FSTL5: variants seen among roughly 807,000 people sequenced by gnomAD.
The protein encoded by FSTL5 is follistatin like 5.
FSTL5 carries 62 observed loss-of-function variants against 89.1 expected under a neutral mutation model. The ratio of observed to expected loss-of-function variants is 0.70; its 90% CI spans 0.57 to 0.86. FSTL5 has a LOEUF of 0.86. FSTL5 is among the 40% of genes least tolerant of loss of function. The pLI is 0.00. For synonymous variants in FSTL5, 383 were observed against 346.2 expected (o/e 1.11, Z -1.18); for missense variants, 1,057 against 1,001.6 (o/e 1.06, Z -0.75).
chr4:162,021,293 T>A (rs1737075301), intron 3 of FSTL5, among the ~76,000 whole-genome samples: 1 of 152,184 alleles, frequency 6.6e-6, no homozygotes, highest in South Asian at 2.1e-4. Flanking sequence ...TTCATAGGGA[T>A]AATTTTAAGA....
chr4:161,848,983 A>G (rs1731466151), intron 4 of FSTL5, among the ~76,000 whole-genome samples: 1 of 152,148 alleles, frequency 6.6e-6, no homozygotes, highest in African/African-American at 2.4e-5. Context: ...AGGGGCGAAT[A>G]TGGCTCCCTT....
chr4:162,047,882 T>C (rs1560990854), intron 2 of FSTL5, among the ~76,000 whole-genome samples: 2 of 152,046 alleles, frequency 1.3e-5, no homozygotes, highest in South Asian at 2.1e-4. Context: ...GTTCGCCATA[T>C]AGTATGTCCT....
At chr4:161,955,264 G>A (rs1024595771) in intron 3 of FSTL5, among the ~76,000 whole-genome samples, 7 of 151,564 alleles carry the variant, frequency 4.6e-5, no homozygotes, top group Non-Finnish European at 1.0e-4. Flanking sequence ...GTAACAAAAA[G>A]AGATTATGTA....
At chr4:161,903,188 A>C (rs939927914) in intron 4 of FSTL5, among the ~76,000 whole-genome samples, 4 of 152,046 alleles carry the variant, frequency 2.6e-5, no homozygotes, top group African/African-American at 7.2e-5. Context: ...AGGGTTATTA[A>C]GTCCTTTATA....
At chr4:161,683,114 A>T (rs986238763) in intron 6 of FSTL5, among the ~76,000 whole-genome samples, 1 of 152,130 alleles carries the variant, frequency 6.6e-6, no homozygotes, top group Non-Finnish European at 1.5e-5. Flanking sequence ...TAAATACACA[A>T]ATCAGTAATA....
chr4:161,992,930 GTATATATATA>G (rs1553989543), intron 3 of FSTL5, among the ~76,000 whole-genome samples: 5 of 8,040 alleles, frequency 6.2e-4, no homozygotes, highest in African/African-American at 8.3e-4. Context: ...ATATATGTGT[GTATATATATA>G]TGTGTGTATA....
chr4:161,884,259 A>G (rs1025539884), intron 4 of FSTL5, among the ~76,000 whole-genome samples: 11 of 151,892 alleles, frequency 7.2e-5, no homozygotes, highest in African/African-American at 2.7e-4. Context: ...ACTGGTCTCA[A>G]ACTCCTGACC....
chr4:161,750,569 T>C (rs2126781249), intron 6 of FSTL5, among the ~76,000 whole-genome samples: 1 of 152,294 alleles, frequency 6.6e-6, no homozygotes, highest in Admixed American at 6.5e-5. Context: ...TTATATTATG[T>C]TTCATTAGAC....
At chr4:162,161,099 T>C (rs1228331079) in intron 1 of FSTL5, among the ~76,000 whole-genome samples, 1 of 151,952 alleles carries the variant, frequency 6.6e-6, no homozygotes, top group Non-Finnish European at 1.5e-5. Flanking sequence ...TTTATGAAGT[T>C]CATCACTTTT....
chr4:161,907,502 A>G (rs913989161), intron 4 of FSTL5, among the ~76,000 whole-genome samples: 1 of 152,158 alleles, frequency 6.6e-6, no homozygotes, highest in African/African-American at 2.4e-5. Flanking sequence ...ATGACCAGAC[A>G]GATATAATGC....
chr4:161,992,861 AATATATATAT>A lies in FSTL5; in HGVS notation c.160+40754_160+40763del, dbSNP rs1214124720. On this transcript the variant is annotated intron_variant, in intron 3 of 15. Transcript: ENST00000306100. ...AAACTCCATCTCAAAAAAAAAAAAA[AATATATATAT>A]ATATATATATATATATATATATATA... Among the ~76,000 whole-genome samples, 181 of 76,176 alleles carry A rather than the reference AATATATATAT, an allele frequency of 2.4e-3. 6 individuals carry two copies. The highest frequency in any genetic ancestry group is 4.0e-3 in the East Asian group (10 of 2,492). 50.0% of individuals were successfully genotyped at this position (76,176 alleles called of 152,430 possible).
At chr4:161,668,132 A>G (rs2126694748) in intron 6 of FSTL5, among the ~76,000 whole-genome samples, 1 of 152,256 alleles carries the variant, frequency 6.6e-6, no homozygotes, top group Admixed American at 6.5e-5. Flanking sequence ...CTCAAACCAG[A>G]GTAACTCAGA....
chr4:161,636,049 T>C (rs1735681197), intron 7 of FSTL5, among the ~76,000 whole-genome samples: 1 of 150,792 alleles, frequency 6.6e-6, no homozygotes, highest in African/African-American at 2.4e-5. Context: ...AGAAAAGATA[T>C]GATAGTACCC....
At chr4:162,118,578 C>A (rs1731740127) in intron 1 of FSTL5, among the ~76,000 whole-genome samples, 1 of 152,152 alleles carries the variant, frequency 6.6e-6, no homozygotes, top group Non-Finnish European at 1.5e-5. Flanking sequence ...AATGGATTCC[C>A]TCTTTCAGAG....
rs1278570872 is a variant in FSTL5 at position 161,942,255 on chromosome 4, A to T, written c.161-21603T>A. 2.0e-5 allele frequency among the ~76,000 whole-genome samples: 3 copies of T among 151,840 alleles called. No homozygotes were observed. In the East Asian group the frequency reaches 5.8e-4, roughly 29 times the overall value. ...AGCAAAACAAAACCAAATCCAGTAGATGGAAAGAAATAATAAAGATTAGGA... is the reference window on the plus strand; with the variant it reads ...AGCAAAACAAAACCAAATCCAGTAGTTGGAAAGAAATAATAAAGATTAGGA... On this transcript the variant is annotated intron_variant, in intron 3 of 15. Coordinates refer to ENST00000306100, the MANE Select transcript of FSTL5 (RefSeq NM_020116.5).
rs1456213005 is a variant in FSTL5 at position 161,528,186 on chromosome 4, C to T, written c.1312+9980G>A. 1.5e-5 allele frequency among the ~76,000 whole-genome samples: 2 copies of T among 135,760 alleles called. 1 individual carries two copies. The highest frequency in any genetic ancestry group is 5.7e-4 in the East Asian group (2 of 3,506). The allele number at this position is 135,760 out of a possible 152,430, so 89.1% of individuals were successfully genotyped here. A position where few individuals can be genotyped will look rare whatever the true frequency, so the allele number is the denominator to read the frequency against. On this transcript the variant is annotated intron_variant, in intron 10 of 15. Transcript: ENST00000306100. ...GGGAGGGATAACTTTAGGAGATATA[C>T]CTAATGCTAAATGACGAGTTAATGG...
At chr4:161,775,466 T>G (rs945690148) in intron 5 of FSTL5, among the ~76,000 whole-genome samples, 4 of 152,186 alleles carry the variant, frequency 2.6e-5, no homozygotes, top group Non-Finnish European at 4.4e-5. Context: ...ATCATTTATA[T>G]ACACTTTGTT....
chr4:161,448,701 T>C (rs953452824), intron 15 of FSTL5, among the ~76,000 whole-genome samples: 1 of 152,158 alleles, frequency 6.6e-6, no homozygotes, highest in South Asian at 2.1e-4. Flanking sequence ...GCCATAGCCA[T>C]TGGCTATGCA....
At chr4:161,733,593 T>A (rs1579055563) in intron 6 of FSTL5, among the ~76,000 whole-genome samples, 1 of 152,148 alleles carries the variant, frequency 6.6e-6, no homozygotes, top group East Asian at 1.9e-4. Flanking sequence ...AGAAAGAAAG[T>A]ATCGAGTTTG....
Sources: allele counts gnomAD v4.1 joint callset (sites outside exome capture counted in the v4.1 genomes callset), GRCh38; gene constraint gnomAD v4.1.1; transcripts MANE v1.5; gene names NCBI Gene and HGNC (gene_info 2026-07-23, HGNC 2026-07-21).